Variants in STAM2 observed in about 807,000 individuals in gnomAD.
STAM2 encodes the protein signal transducing adapter molecule 2.
A neutral mutation model predicts 65.6 loss-of-function variants in STAM2; 51 were observed. The observed-to-expected ratio is 0.78, with a 90% confidence interval of 0.62 to 0.98. The LOEUF (loss-of-function observed/expected upper bound fraction) is 0.98. Ranked by LOEUF, STAM2 falls within the 50% of genes least tolerant of loss-of-function variation. The pLI is 0.00. For synonymous variants in STAM2, 198 were observed against 208.4 expected, an observed-to-expected ratio of 0.95 and a Z score of 0.43; for missense variants, 584 against 617.8, an observed-to-expected ratio of 0.95 and a Z score of 0.58.
intron 1 of STAM2, among the ~76,000 whole-genome samples, chr2:152,166,983 A>G (rs556112456): frequency 1.2e-4 from 18 of 152,366 alleles, no homozygotes; most frequent in African/African-American, 4.3e-4. Context: ...TTTCAGATAC[A>G]ATAACAATTT....
intron 1 of STAM2, among the ~76,000 whole-genome samples, chr2:152,174,645 C>T (rs529597245): frequency 6.6e-6 from 1 of 152,210 alleles, no homozygotes; most frequent in Admixed American, 6.5e-5. Context: ...CGCCCCAACC[C>T]CATTTCCAAG....
chr2:152,123,881 C>T lies in STAM2; in HGVS notation c.1234G>A (p.Val412Ile). 1 of 1,614,106 alleles carries T rather than the reference C, an allele frequency of 6.2e-7. No individual in the cohort carries two copies. ...GNYMGQSIHQVTVAQSYSLGP... is the reference protein window; with the variant it reads ...GNYMGQSIHQITVAQSYSLGP... ...AGGCTATAGCTTTGGGCAACAGTTA[C>T]TTGGTGAATGCTCTGACCCATATAG... is the stretch of plus-strand genomic sequence containing the variant. The change falls in exon 13 of 14, where the codon GTA becomes ATA. Residue 412 changes from valine (V) to isoleucine (I), a missense_variant. By Grantham distance (29) the Val-to-Ile change is conservative (BLOSUM62 3). Transcript: ENST00000263904.
At chr2:152,135,417 A>C (rs1205022380) in intron 8 of STAM2, 92 bp downstream of exon 8, 2 of 892,580 alleles carry the variant, frequency 2.2e-6, no homozygotes, top group Admixed American at 4.7e-5. Context: ...AACAAAAGTT[A>C]AATGCCAATC....
At position 152,175,606 on chromosome 2, in the gene STAM2, C is replaced by G; in HGVS notation, c.37G>C (p.Val13Leu). Reference sequence around the variant, plus strand: ...CAGGACCGGGCACAGCACTCACCCACGTCTTGCTCGAAGGGGTTGGCGGTG... The same window carrying G: ...CAGGACCGGGCACAGCACTCACCCAGGTCTTGCTCGAAGGGGTTGGCGGTG... ...LFTANPFEQD[V>L]EKATNEYNTT... is the part of the protein sequence containing the mutation. The change falls in exon 1 of 14, where the codon GTG becomes CTG. Residue 13 changes from valine (V) to leucine (L), a missense_variant. Physicochemically the swap from Val to Leu is conservative, Grantham distance 32. Transcript: ENST00000263904. 1 of 1,613,958 alleles carries G rather than the reference C, an allele frequency of 6.2e-7. No homozygotes were observed. The highest frequency in any genetic ancestry group is 8.5e-7 in the Non-Finnish European group (1 of 1,179,946).
chr2:152,173,756 A>G (rs562538813), intron 1 of STAM2, among the ~76,000 whole-genome samples: 2 of 152,180 alleles, frequency 1.3e-5, no homozygotes, highest in Non-Finnish European at 2.9e-5. Context: ...CGTAATATAT[A>G]ATTTTTCTTC....
intron 1 of STAM2, among the ~76,000 whole-genome samples, chr2:152,159,071 A>AG (rs1484891179): frequency 6.9e-6 from 1 of 145,032 alleles, no homozygotes; most frequent in African/African-American, 2.6e-5. Context: ...ATAAGAACCA[A>AG]GAAAAGCTAG....
At chr2:152,135,478 T>C (rs745636650) in intron 8 of STAM2, 31 bp downstream of exon 8, 10 of 1,460,206 alleles carry the variant, frequency 6.8e-6, no homozygotes, top group East Asian at 2.3e-5. Flanking sequence ...AAAACTTAAA[T>C]AGATCTAATG....
In STAM2 at chr2:152,156,511, C is replaced by G. The variant is rs181356298; in HGVS notation, c.41-6282G>C. Among the ~76,000 whole-genome samples, 452 of 152,170 alleles carry G rather than the reference C, an allele frequency of 3.0e-3. 3 individuals carry two copies. Among genetic ancestry groups the G allele is most frequent in the Non-Finnish European group, 4.4e-3 (297 of 68,018 alleles). The stretch of plus-strand genomic sequence containing the variant: ...TAGAGAGGTAGAAAATTAAAAGAGC[C>G]CTCCTGGGGCCTAAATGCTAAATCG... On this transcript the variant is annotated intron_variant, in intron 1 of 13. Transcript: ENST00000263904.
At chr2:152,131,341 T>C (rs995904019) in intron 11 of STAM2, among the ~76,000 whole-genome samples, 2 of 151,872 alleles carry the variant, frequency 1.3e-5, no homozygotes, top group Non-Finnish European at 2.9e-5. Context: ...TAATCCTAGC[T>C]ACTCAGGAGG....
In STAM2 at chr2:152,173,404, A is replaced by T. The variant is rs556916308; in HGVS notation, c.40+2199T>A. On this transcript the variant is annotated intron_variant, in intron 1 of 13. Coordinates refer to ENST00000263904, the MANE Select transcript of STAM2 (RefSeq NM_005843.6). ...TATATATATGTATACATATATATATATATTTTTTTTCGAGACGGAGTCTTG... is the reference window on the plus strand; with the variant it reads ...TATATATATGTATACATATATATATTTATTTTTTTTCGAGACGGAGTCTTG... Among the ~76,000 whole-genome samples, 57 of 147,652 alleles carry T rather than the reference A, an allele frequency of 3.9e-4. No individual in the cohort carries two copies. The East Asian group carries it at 5.5e-3, about 14-fold the overall frequency.
At chr2:152,125,181 C>T (rs532463529) in intron 12 of STAM2, among the ~76,000 whole-genome samples, 1 of 152,238 alleles carries the variant, frequency 6.6e-6, no homozygotes, top group Admixed American at 6.5e-5. Context: ...ACAGCAGCAG[C>T]GAACAACTCT....
In STAM2 at chr2:152,165,912, T is replaced by C. The variant is rs1689773520; in HGVS notation, c.40+9691A>G. Among the ~76,000 whole-genome samples, 3 of 152,142 alleles carry C rather than the reference T, an allele frequency of 2.0e-5. No individual in the cohort carries two copies. In the South Asian group the frequency reaches 6.2e-4, roughly 32 times the overall value. ...TTATCAAGTAAATGCACATTAAAAC[T>C]ACAATGAAGGCCGGGCACAGTGGCT... On this transcript the variant is annotated intron_variant, in intron 1 of 13. Transcript: ENST00000263904.
At position 152,125,547 on chromosome 2, in the gene STAM2, G is replaced by GT. The variant is rs375865024; in HGVS notation, c.1179+678dup. ...CTTCCGAATGGGGATACTGACAAATGTAAGTATTCGCTTCACATGGCAAGC... is the reference window on the plus strand; with the variant it reads ...CTTCCGAATGGGGATACTGACAAATGTTAAGTATTCGCTTCACATGGCAAGC... On this transcript the variant is annotated intron_variant, in intron 12 of 13. Transcript: ENST00000263904. 6.4e-3 allele frequency among the ~76,000 whole-genome samples: 979 copies of GT among 152,268 alleles called. 9 individuals are homozygous for GT. Among genetic ancestry groups the GT allele is most frequent in the African/African-American group, 0.023 (947 of 41,554 alleles).
chr2:152,140,688 T>C (rs1380483324), intron 7 of STAM2, among the ~76,000 whole-genome samples: 1 of 152,234 alleles, frequency 6.6e-6, no homozygotes, highest in Non-Finnish European at 1.5e-5. Flanking sequence ...GAAAGTAAAG[T>C]TCTTTTCCTT....
chr2:152,173,114 A>G (rs1434431588), intron 1 of STAM2, among the ~76,000 whole-genome samples: 2 of 151,326 alleles, frequency 1.3e-5, no homozygotes, highest in African/African-American at 4.8e-5. Context: ...CTCACAGTCT[A>G]TTTACTCATT....
intron 1 of STAM2, among the ~76,000 whole-genome samples, chr2:152,160,415 G>A (rs1689642484): frequency 6.6e-6 from 1 of 151,788 alleles, no homozygotes; most frequent in Non-Finnish European, 1.5e-5. Flanking sequence ...TCTCTGCCCG[G>A]CCGCCCCATC....
At position 152,126,336 on chromosome 2, in the gene STAM2, C is replaced by G; in HGVS notation, c.1069G>C (p.Ala357Pro). Reference protein sequence around the residue: ...LSELNVKVLEALELYNKLVNE... With the variant: ...LSELNVKVLEPLELYNKLVNE... ...ACCAATTTGTTATATAGTTCCAGAGCTTCCAGGACTTTAACATTCAATTCA... is the reference window on the plus strand; with the variant it reads ...ACCAATTTGTTATATAGTTCCAGAGGTTCCAGGACTTTAACATTCAATTCA... Residue 357 changes from alanine to proline, a missense_variant, in exon 12 of 14, where the codon GCT (alanine) becomes CCT (proline). Transcript: ENST00000263904. The G allele has an allele frequency of 6.3e-7, 1 of 1,591,628 alleles. No individual in the cohort carries two copies. Among genetic ancestry groups the G allele is most frequent in the South Asian group, 1.2e-5 (1 of 86,554 alleles).
intron 1 of STAM2, among the ~76,000 whole-genome samples, chr2:152,171,406 C>T (rs988253789): frequency 8.1e-6 from 1 of 123,958 alleles, no homozygotes; most frequent in East Asian, 2.9e-4. Flanking sequence ...AACCAAAAAA[C>T]TTTTTAAAAA....
Position 152,120,774 on chromosome 2 carries a change from T to C in STAM2, c.1378A>G (p.Thr460Ala), listed in dbSNP as rs755416713. 3 of 1,614,168 alleles carry C rather than the reference T, an allele frequency of 1.9e-6. No homozygotes were observed. The highest frequency in any genetic ancestry group is 1.1e-5 in the South Asian group (1 of 91,080). Residue 460 changes from threonine to alanine, a missense_variant, in exon 14 of 14, where the codon ACT becomes GCT. Transcript: ENST00000263904. ...AGGTTAGAGTTCTGGTTCATATAAG[T>C]AGGATTGGAAACAGTGTCTTGTCCA... is the stretch of plus-strand genomic sequence containing the variant. ...STGQDTVSNP[T>A]YMNQNSNLQS... is the part of the protein sequence containing the mutation.
Sources: gnomAD v4.1 joint callset for allele counts (sites outside exome capture counted in the v4.1 genomes callset) on GRCh38, gnomAD v4.1.1 for gene constraint, MANE v1.5 for transcripts, NCBI Gene and HGNC (gene_info 2026-07-23, HGNC 2026-07-21) for gene names.